Variants in PDE1A observed in about 807,000 individuals in gnomAD.
PDE1A encodes phosphodiesterase 1A.
PDE1A carries 35 observed loss-of-function variants against 61.7 expected under a neutral mutation model. The ratio of observed to expected loss-of-function variants is 0.57; its 90% CI spans 0.43 to 0.75. PDE1A has a LOEUF of 0.75. Among genes scored for constraint, PDE1A ranks in the 30% least tolerant of loss-of-function variants. The probability of loss-of-function intolerance (pLI) is 0.00; values close to 1 mark genes in which losing one functional copy is unlikely to be tolerated. For missense variants in PDE1A, 597 were observed against 630.6 expected (o/e 0.95, Z 0.57); for synonymous variants, 232 against 213.2 (o/e 1.09, Z -0.77).
chr2:182,538,882 C>T, the PDE1A span, among the ~76,000 whole-genome samples: 6 of 152,178 alleles, frequency 3.9e-5, no homozygotes, highest in South Asian at 2.1e-4. Context: ...TAATGAGTTA[C>T]GGCCTGACCC....
At chr2:182,594,721 G>A in the PDE1A span, among the ~76,000 whole-genome samples, 2 of 152,182 alleles carry the variant, frequency 1.3e-5, no homozygotes, top group Non-Finnish European at 2.9e-5. Flanking sequence ...CCTATAATAT[G>A]TAACAGCAGG....
chr2:182,242,133 T>C, intron 2 of PDE1A: 1 of 1,178,158 alleles, frequency 8.5e-7, no homozygotes, highest in Non-Finnish European at 1.1e-6. Flanking sequence ...CTAATCTCCT[T>C]AGAATGACAG....
At chr2:182,507,249 G>T (rs1024456917) in intron 2 of PDE1A, among the ~76,000 whole-genome samples, 26 of 152,144 alleles carry the variant, frequency 1.7e-4, no homozygotes, top group Middle Eastern at 3.4e-3. Flanking sequence ...AAATTCAGAA[G>T]CTAAGAGATC....
intron 2 of PDE1A, among the ~76,000 whole-genome samples, chr2:182,479,294 T>G (rs143784221): frequency 6.6e-6 from 1 of 151,850 alleles, no homozygotes; most frequent in Non-Finnish European, 1.5e-5. Flanking sequence ...TGTCATTACA[T>G]TTACTCCCAC....
chr2:182,577,984 GGAAGGA>G, the PDE1A span, among the ~76,000 whole-genome samples: 61 of 147,132 alleles, frequency 4.1e-4, no homozygotes, highest in African/African-American at 1.5e-3. Flanking sequence ...AAGGAAGGAA[GGAAGGA>G]AGGGACGGAG....
intron 1 of PDE1A, among the ~76,000 whole-genome samples, chr2:182,287,308 G>A (rs192277543): frequency 6.6e-6 from 1 of 152,174 alleles, no homozygotes; most frequent in East Asian, 1.9e-4. Flanking sequence ...TAATCACCCA[G>A]TCACTTTCTA....
intron 2 of PDE1A, among the ~76,000 whole-genome samples, chr2:182,249,030 TAA>T (rs1691199078): frequency 6.6e-6 from 1 of 152,186 alleles, no homozygotes; most frequent in Admixed American, 6.5e-5. Flanking sequence ...ATAAGTTTCA[TAA>T]AAGACAGACA....
intron 2 of PDE1A, among the ~76,000 whole-genome samples, chr2:182,477,459 T>A (rs1170592264): frequency 1.3e-5 from 2 of 151,838 alleles, no homozygotes; most frequent in Non-Finnish European, 2.9e-5. Flanking sequence ...CTCAGAAAGG[T>A]CAAGGAAAGT....
chr2:182,357,286 A>C (rs900053080), intron 1 of PDE1A, among the ~76,000 whole-genome samples: 14 of 152,132 alleles, frequency 9.2e-5, no homozygotes, highest in African/African-American at 2.9e-4. Flanking sequence ...AAAACAAAAA[A>C]AAACAAACAA....
intron 1 of PDE1A, among the ~76,000 whole-genome samples, chr2:182,349,371 G>T (rs1310615911): frequency 1.3e-5 from 2 of 152,142 alleles, no homozygotes; most frequent in African/African-American, 4.8e-5. Context: ...AAGTAACATG[G>T]CTGTTGAGTT....
intron 13 of PDE1A, among the ~76,000 whole-genome samples, chr2:182,148,023 T>TA (rs1439816882): frequency 6.6e-6 from 1 of 152,228 alleles, no homozygotes; most frequent in Admixed American, 6.5e-5. Flanking sequence ...AAGGTGCTAT[T>TA]ACAAAACAAT....
intron 2 of PDE1A, chr2:182,522,188 T>C (rs1690608358): frequency 7.5e-6 from 8 of 1,066,406 alleles, no homozygotes; most frequent in Non-Finnish European, 1.1e-5. Flanking sequence ...TAAAGGAAAC[T>C]AGCCCACAAA....
intron 1 of PDE1A, among the ~76,000 whole-genome samples, chr2:182,424,651 G>T (rs1400248788): frequency 1.3e-5 from 2 of 152,202 alleles, no homozygotes; most frequent in African/African-American, 2.4e-5. Flanking sequence ...AGTACAACTA[G>T]CTATCGGGAA....
intron 2 of PDE1A, among the ~76,000 whole-genome samples, chr2:182,257,113 C>T (rs1691876724): frequency 6.6e-6 from 1 of 152,138 alleles, no homozygotes; most frequent in South Asian, 2.1e-4. Flanking sequence ...GTCATATATG[C>T]CTGTTGCTTT....
chr2:182,191,211 G>T (rs1000392137), intron 10 of PDE1A, among the ~76,000 whole-genome samples: 37 of 152,022 alleles, frequency 2.4e-4, no homozygotes, highest in Non-Finnish European at 1.0e-4. Context: ...GAGATGACTT[G>T]GGGTGAGTTG....
chr2:182,600,879 T>C, the PDE1A span, among the ~76,000 whole-genome samples: 5 of 152,250 alleles, frequency 3.3e-5, no homozygotes, highest in African/African-American at 1.2e-4. Flanking sequence ...ATGGCAAATC[T>C]GACACAGGCA....
the PDE1A span, among the ~76,000 whole-genome samples, chr2:182,591,208 G>A: frequency 7.2e-5 from 11 of 152,094 alleles, no homozygotes; most frequent in African/African-American, 2.4e-4. Context: ...GTAGATAAGG[G>A]CCATAGGTCT....
chr2:182,411,770 T>A (rs903344118), intron 1 of PDE1A, among the ~76,000 whole-genome samples: 7 of 152,084 alleles, frequency 4.6e-5, no homozygotes, highest in Non-Finnish European at 1.0e-4. Flanking sequence ...CTCAACATCT[T>A]ACAATGAACA....
chr2:182,549,168 CA>C, the PDE1A span, among the ~76,000 whole-genome samples: 1 of 151,446 alleles, frequency 6.6e-6, no homozygotes, highest in Non-Finnish European at 1.5e-5. Context: ...GAAAATATTT[CA>C]AAAAATATTT....
Sources: allele counts gnomAD v4.1 joint callset (sites outside exome capture counted in the v4.1 genomes callset), GRCh38; gene constraint gnomAD v4.1.1; transcripts MANE v1.5; gene names NCBI Gene and HGNC (gene_info 2026-07-23, HGNC 2026-07-21).